EMC7: variants seen among roughly 807,000 people sequenced by gnomAD.
The protein encoded by EMC7 is ER membrane protein complex subunit 7.
EMC7 carries 4 observed loss-of-function variants against 24.4 expected under a neutral mutation model. The observed-to-expected ratio is 0.16, with a 90% CI of 0.08 to 0.38. EMC7 has a LOEUF of 0.38. Among genes scored for constraint, EMC7 ranks in the 10% least tolerant of loss-of-function variants. EMC7 has a pLI of 1.00. For missense variants in EMC7, 221 were observed against 300.6 expected, an observed-to-expected ratio of 0.74 and a Z score of 1.96; for synonymous variants, 106 against 112.0, an observed-to-expected ratio of 0.95 and a Z score of 0.34.
intron 1 of EMC7, among the ~76,000 whole-genome samples, chr15:34,097,224 G>A (rs933508696): frequency 2.0e-5 from 3 of 151,770 alleles, no homozygotes; most frequent in Admixed American, 6.6e-5. Flanking sequence ...TAGTAGAGAC[G>A]GGGTTTCACC....
intron 2 of EMC7, among the ~76,000 whole-genome samples, chr15:34,094,752 C>T (rs1901037624): frequency 6.6e-6 from 1 of 151,904 alleles, no homozygotes; most frequent in African/African-American, 2.4e-5. Flanking sequence ...AGTATACATG[C>T]TAAAAGAAGA....
At chr15:34,093,823 ATTTTTTT>A (rs753095506) in intron 2 of EMC7, among the ~76,000 whole-genome samples, 2 of 48,706 alleles carry the variant, frequency 4.1e-5, no homozygotes, top group South Asian at 1.1e-3. Flanking sequence ...ATATATATAT[ATTTTTTT>A]TTTTTTTTTT....
Position 34,101,859 on chromosome 15 carries a change from G to A in EMC7, c.-20C>T. The A allele has an allele frequency of 6.4e-7, 1 of 1,565,624 alleles. No individual in the cohort carries two copies. Among genetic ancestry groups the A allele is most frequent in the South Asian group, 1.2e-5 (1 of 86,644 alleles). ...CGCCATGACAGCAGCTCTGCACTCA[G>A]ACCGGCAGCCCCGGAAGCCCTCCCA... On this transcript the variant is annotated 5_prime_UTR_variant, in exon 1 of 5. Coordinates refer to ENST00000256545, the MANE Select transcript of EMC7 (RefSeq NM_020154.3).
Position 34,085,697 on chromosome 15 carries a change from C to T in EMC7, c.577-1211G>A, listed in dbSNP as rs188402208. On this transcript the variant is annotated intron_variant, in intron 4 of 4. Coordinates refer to ENST00000256545, the MANE Select transcript of EMC7 (RefSeq NM_020154.3). ...AAGTTGCTTTTACAAATAAGGCTAG[C>T]GAAAGAAATATTGTAAACATAAATC... Among the ~76,000 whole-genome samples, 461 of 151,886 alleles carry T rather than the reference C, an allele frequency of 3.0e-3. 6 individuals are homozygous for T. Among genetic ancestry groups the T allele is most frequent in the African/African-American group, 0.01 (430 of 41,410 alleles).
chr15:34,085,004 CCT>C (rs1900854695), intron 4 of EMC7, among the ~76,000 whole-genome samples: 1 of 150,400 alleles, frequency 6.6e-6, no homozygotes, highest in Middle Eastern at 3.4e-3. Context: ...TGATCATATT[CCT>C]CTCTTATTTT....
chr15:34,093,451 AAAATTAT>A lies in EMC7; in HGVS notation c.356+2437_356+2443del, dbSNP rs1901010133. Reference sequence around the variant, plus strand: ...ACTGTCTCAAATTAAAAAAAAAAAAAAAATTATAAGTTGAACCATTGTAAGCTGGGGA... The same window carrying A: ...ACTGTCTCAAATTAAAAAAAAAAAAAAAGTTGAACCATTGTAAGCTGGGGA... On this transcript the variant is annotated intron_variant, in intron 2 of 4. Transcript: ENST00000256545. Among the ~76,000 whole-genome samples the A allele has an allele frequency of 1.4e-4, 21 of 151,886 alleles. No homozygotes were observed. The South Asian group carries it at 4.4e-3, about 32-fold the overall frequency.
intron 4 of EMC7, chr15:34,085,887 T>G (rs1900876127): frequency 8.3e-6 from 1 of 119,772 alleles, no homozygotes; most frequent in Non-Finnish European, 1.7e-5. Flanking sequence ...TAAACACAAA[T>G]AAAACATGCA....
intron 4 of EMC7, among the ~76,000 whole-genome samples, chr15:34,084,899 C>T (rs1900852774): frequency 6.6e-6 from 1 of 151,848 alleles, no homozygotes; most frequent in Admixed American, 6.6e-5. Context: ...CTCCCACCTC[C>T]CCCCACCCCA....
At chr15:34,095,859 C>T (rs1473298934) in intron 2 of EMC7, 36 bp downstream of exon 2, 2 of 1,574,540 alleles carry the variant, frequency 1.3e-6, no homozygotes, top group African/African-American at 1.3e-5. Context: ...ATTCAGTAGC[C>T]TAGCTTTTGG....
chr15:34,091,356 C>A (rs1162458798), intron 2 of EMC7, among the ~76,000 whole-genome samples: 1 of 152,014 alleles, frequency 6.6e-6, no homozygotes. Context: ...AGACTGTTTT[C>A]TTGGGTTCTT....
At chr15:34,088,457 C>T (rs1326248970) in intron 3 of EMC7, among the ~76,000 whole-genome samples, 1 of 134,738 alleles carries the variant, frequency 7.4e-6, no homozygotes, top group Non-Finnish European at 1.5e-5. Flanking sequence ...GCAAATGGAA[C>T]TATCTATTCC....
chr15:34,094,981 C>T (rs928195066), intron 2 of EMC7, among the ~76,000 whole-genome samples: 4 of 152,164 alleles, frequency 2.6e-5, no homozygotes, highest in African/African-American at 9.7e-5. Context: ...GGAGTAAACA[C>T]TAACTCAAAT....
intron 2 of EMC7, among the ~76,000 whole-genome samples, chr15:34,092,261 T>TCTCACACACACA (rs1555523197): frequency 2.8e-5 from 4 of 141,564 alleles, no homozygotes; most frequent in East Asian, 2.1e-4. Context: ...TGAGACTCCG[T>TCTCACACACACA]CACACACACA....
intron 4 of EMC7, among the ~76,000 whole-genome samples, chr15:34,087,118 C>T (rs576732819): frequency 6.6e-6 from 1 of 152,294 alleles, no homozygotes; most frequent in African/African-American, 2.4e-5. Flanking sequence ...CTACATTTAA[C>T]TGGGACTGAG....
chr15:34,094,611 A>C (rs1438581129), intron 2 of EMC7, among the ~76,000 whole-genome samples: 1 of 152,062 alleles, frequency 6.6e-6, no homozygotes, highest in African/African-American at 2.4e-5. Flanking sequence ...CTGAGGTACG[A>C]GAATCCCTTG....
At chr15:34,099,172 T>G (rs1901136114) in intron 1 of EMC7, among the ~76,000 whole-genome samples, 1 of 152,182 alleles carries the variant, frequency 6.6e-6, no homozygotes, top group Non-Finnish European at 1.5e-5. Context: ...AATCCTATTA[T>G]GCTTAGAACC....
rs1388074329 is a variant in EMC7, at chr15:34,101,597, T to A, written c.236+7A>T. On this transcript the variant is annotated splice_region_variant and intron_variant, in intron 1 of 4. Transcript: ENST00000256545. ...AGCCTTTTTCCCGCTGCCCTCAGGA[T>A]GCTCACTTAAGGAAACCGACGTGCT... 2 of 1,613,638 alleles carry A rather than the reference T, an allele frequency of 1.2e-6. No homozygotes were observed.
chr15:34,099,289 C>A (rs1163697928), intron 1 of EMC7, among the ~76,000 whole-genome samples: 1 of 151,788 alleles, frequency 6.6e-6, no homozygotes, highest in East Asian at 1.9e-4. Context: ...ATAAAAAGTG[C>A]AAAAAAGTAT....
chr15:34,092,311 A>G (rs115304230), intron 2 of EMC7, among the ~76,000 whole-genome samples: 3,367 of 150,000 alleles, frequency 0.022, 132 homozygotes, highest in African/African-American at 0.078. Flanking sequence ...AGGATCTTAT[A>G]TGAATCCCAC....
Sources: allele counts gnomAD v4.1 joint callset (sites outside exome capture counted in the v4.1 genomes callset), GRCh38; gene constraint gnomAD v4.1.1; transcripts MANE v1.5; gene names NCBI Gene and HGNC (gene_info 2026-07-23, HGNC 2026-07-21).